The following STXBP5L variants were observed in gnomAD, a reference collection of about 807,000 sequenced individuals.
STXBP5L encodes the protein syntaxin-binding protein 5-like.
Under a neutral mutation model 144.5 loss-of-function variants are expected in STXBP5L, and 65 were observed. The observed-to-expected ratio is 0.45, with a 90% CI of 0.37 to 0.55. The LOEUF (loss-of-function observed/expected upper bound fraction) is 0.55, where lower values mean the gene tolerates loss of function less well. Among genes scored for constraint, STXBP5L ranks in the 20% least tolerant of loss-of-function variants. The pLI, the probability that STXBP5L is intolerant of heterozygous loss-of-function variation, is 0.00. For synonymous variants in STXBP5L, 505 were observed against 469.6 expected, an observed-to-expected ratio of 1.08 and a Z score of -0.97; for missense variants, 1,298 against 1,405.5, an observed-to-expected ratio of 0.92 and a Z score of 1.22.
intron 19 of STXBP5L, chr3:121,282,235 G>A (rs779453640): frequency 4.4e-6 from 7 of 1,598,318 alleles, no homozygotes; most frequent in Non-Finnish European, 6.0e-6. Context: ...TCTGCCTGCT[G>A]CTGATGCTGG....
At chr3:121,327,116 G>A (rs564835975) in intron 20 of STXBP5L, among the ~76,000 whole-genome samples, 1 of 152,236 alleles carries the variant, frequency 6.6e-6, no homozygotes, top group Non-Finnish European at 1.5e-5. Flanking sequence ...TCCTTATGAT[G>A]AACCAGGCTG....
chr3:121,311,886 T>C (rs935964539), intron 19 of STXBP5L, among the ~76,000 whole-genome samples: 1 of 152,106 alleles, frequency 6.6e-6, no homozygotes, highest in Non-Finnish European at 1.5e-5. Flanking sequence ...CATCACCAAG[T>C]CAATCCTAAG....
intron 3 of STXBP5L, among the ~76,000 whole-genome samples, chr3:121,027,622 C>T (rs543617076): frequency 6.6e-6 from 1 of 152,180 alleles, no homozygotes; most frequent in South Asian, 2.1e-4. Flanking sequence ...TACCCTGACA[C>T]TAACTCCCTG....
At chr3:121,237,826 C>T (rs1043488384) in intron 12 of STXBP5L, among the ~76,000 whole-genome samples, 5 of 152,178 alleles carry the variant, frequency 3.3e-5, no homozygotes, top group Admixed American at 6.6e-5. Context: ...AAATTCTCTG[C>T]TACAGTGCAA....
At chr3:121,151,661 G>A (rs1260393329) in intron 7 of STXBP5L, among the ~76,000 whole-genome samples, 1 of 151,928 alleles carries the variant, frequency 6.6e-6, no homozygotes, top group African/African-American at 2.4e-5. Flanking sequence ...TCATCTTAAG[G>A]CAAATCTGTC....
At chr3:121,103,951 ATATT>A (rs2043559976) in intron 5 of STXBP5L, among the ~76,000 whole-genome samples, 1 of 152,318 alleles carries the variant, frequency 6.6e-6, no homozygotes, top group East Asian at 1.9e-4. Flanking sequence ...AAAATAATAA[ATATT>A]TATCATTCAG....
chr3:121,064,266 C>G (rs1346757296), intron 5 of STXBP5L, among the ~76,000 whole-genome samples: 1 of 152,154 alleles, frequency 6.6e-6, no homozygotes, highest in African/African-American at 2.4e-5. Flanking sequence ...GAGGCAACGC[C>G]CCACCCTGCT....
At chr3:121,313,884 G>C in intron 19 of STXBP5L, among the ~76,000 whole-genome samples, 1 of 143,068 alleles carries the variant, frequency 7.0e-6, no homozygotes, top group Non-Finnish European at 1.5e-5. Context: ...CTCAGACGGA[G>C]CGGCCGGGCA....
chr3:120,942,613 A>G (rs1001376963), intron 2 of STXBP5L, among the ~76,000 whole-genome samples: 5 of 151,444 alleles, frequency 3.3e-5, no homozygotes, highest in Non-Finnish European at 1.5e-5. Flanking sequence ...TATTGCTAGT[A>G]TAGGTAATAG....
At chr3:121,178,177 A>G (rs1172101672) in intron 9 of STXBP5L, among the ~76,000 whole-genome samples, 2 of 152,226 alleles carry the variant, frequency 1.3e-5, no homozygotes, top group Non-Finnish European at 2.9e-5. Context: ...GTTAAGGAAG[A>G]CAAAAAGTTC....
chr3:121,330,962 T>C (rs1317246269), intron 20 of STXBP5L, among the ~76,000 whole-genome samples: 2 of 152,174 alleles, frequency 1.3e-5, no homozygotes, highest in African/African-American at 4.8e-5. Flanking sequence ...CTGGGAGACT[T>C]GAGGACAGGT....
intron 3 of STXBP5L, among the ~76,000 whole-genome samples, chr3:120,993,091 A>G (rs186554101): frequency 2.9e-4 from 44 of 152,108 alleles, no homozygotes; most frequent in Admixed American, 2.7e-3. Context: ...GACCATTTGT[A>G]TGTCTTCTTT....
intron 12 of STXBP5L, among the ~76,000 whole-genome samples, chr3:121,235,321 T>A (rs900449663): frequency 2.0e-5 from 3 of 152,102 alleles, no homozygotes; most frequent in African/African-American, 7.2e-5. Flanking sequence ...AATTTTTTTC[T>A]TTTTATCTTT....
At position 121,016,290 on chromosome 3, in the gene STXBP5L, T is replaced by C. The variant is rs1413084220; in HGVS notation, c.288-25410T>C. ...GTCAGCAATAGCATAGATTATGGAA[T>C]TGTTAGAAAAGGAATTTAAAATAAC... On this transcript the variant is annotated intron_variant, in intron 3 of 26. Transcript: ENST00000471454. Among the ~76,000 whole-genome samples the C allele has an allele frequency of 4.6e-5, 7 of 152,184 alleles. No homozygotes were observed. In the East Asian group the frequency reaches 1.3e-3, roughly 29 times the overall value.
At chr3:121,189,481 C>G (rs1344664546) in intron 9 of STXBP5L, among the ~76,000 whole-genome samples, 1 of 152,194 alleles carries the variant, frequency 6.6e-6, no homozygotes, top group Non-Finnish European at 1.5e-5. Context: ...AACAGGGAAT[C>G]CTTTCCTCAT....
At chr3:121,029,787 C>G (rs1946230050) in intron 3 of STXBP5L, among the ~76,000 whole-genome samples, 3 of 150,058 alleles carry the variant, frequency 2.0e-5, no homozygotes, top group South Asian at 4.2e-4. Flanking sequence ...ATCCATCTGA[C>G]AAAAGACTAA....
rs2048528370 is a variant in STXBP5L at position 121,210,707 on chromosome 3, T to C, written c.956+4706T>C. Among the ~76,000 whole-genome samples the C allele has an allele frequency of 2.0e-5, 3 of 152,238 alleles. No homozygotes were observed. In the South Asian group the frequency reaches 6.2e-4, roughly 32 times the overall value. The stretch of plus-strand genomic sequence containing the variant: ...TAGGGAATCCTTTCCCCATTTCTTG[T>C]TTTTGTCAGGTTTGTCAAAGATCAG... On this transcript the variant is annotated intron_variant, in intron 10 of 26. Transcript: ENST00000471454.
At chr3:121,052,905 A>G (rs1419864461) in intron 5 of STXBP5L, among the ~76,000 whole-genome samples, 2 of 152,220 alleles carry the variant, frequency 1.3e-5, no homozygotes, top group Admixed American at 1.3e-4. Context: ...AAGTCTCAGG[A>G]TGCAAAATCA....
At chr3:120,917,331 A>G (rs1041995818) in intron 2 of STXBP5L, among the ~76,000 whole-genome samples, 1 of 152,232 alleles carries the variant, frequency 6.6e-6, no homozygotes, top group African/African-American at 2.4e-5. Flanking sequence ...AATTAGTAGC[A>G]TCAGTACCAA....
Sources: gnomAD v4.1 joint callset for allele counts (sites outside exome capture counted in the v4.1 genomes callset) on GRCh38, gnomAD v4.1.1 for gene constraint, MANE v1.5 for transcripts, NCBI Gene and HGNC (gene_info 2026-07-23, HGNC 2026-07-21) for gene names.